STYK1: variants seen among roughly 807,000 people sequenced by gnomAD.
STYK1 encodes the protein tyrosine-protein kinase STYK1.
STYK1 carries 46 observed loss-of-function variants against 48.1 expected under a neutral mutation model. The observed-to-expected ratio is 0.96, with a 90% CI of 0.75 to 1.22. The LOEUF is 1.22. Among genes scored for constraint, STYK1 ranks in the 50% most tolerant of loss-of-function variants. STYK1 has a pLI of 0.00. For synonymous variants in STYK1, 188 were observed against 189.0 expected (o/e 0.99, Z 0.04); for missense variants, 527 against 521.1 (o/e 1.01, Z -0.11).
intron 1 of STYK1, among the ~76,000 whole-genome samples, chr12:10,651,975 GA>G (rs1565570281): frequency 6.6e-6 from 1 of 152,112 alleles, no homozygotes; most frequent in Non-Finnish European, 1.5e-5. Flanking sequence ...CTCTAACAAC[GA>G]AGACTTAAGC....
intron 1 of STYK1, among the ~76,000 whole-genome samples, chr12:10,673,091 A>G (rs1947906601): frequency 1.3e-5 from 2 of 152,208 alleles, no homozygotes; most frequent in African/African-American, 4.8e-5. Flanking sequence ...AGAAGGAAGC[A>G]ACAATCGCAT....
chr12:10,621,289 C>T (rs1865902339), intron 10 of STYK1, among the ~76,000 whole-genome samples: 2 of 152,180 alleles, frequency 1.3e-5, no homozygotes, highest in Admixed American at 6.5e-5. Context: ...GGTTCACTAA[C>T]TGTCCCAATC....
At position 10,634,534 on chromosome 12, in the gene STYK1, C is replaced by G. The variant is rs115743479; in HGVS notation, c.52+33G>C. The G allele has an allele frequency of 1.4e-3, 2,175 of 1,603,624 alleles. 29 individuals are homozygous for G. In the African/African-American group the frequency reaches 0.026, roughly 19 times the overall value. Reference sequence around the variant, plus strand: ...ACCTTAGCCTTCATAATTCTAAAATCAGAGGATAGACATCTGTGGAATCCG... The same window carrying G: ...ACCTTAGCCTTCATAATTCTAAAATGAGAGGATAGACATCTGTGGAATCCG... On this transcript the variant is annotated intron_variant, in intron 3 of 10. Coordinates refer to ENST00000075503, the MANE Select transcript of STYK1 (RefSeq NM_018423.3).
intron 9 of STYK1, among the ~76,000 whole-genome samples, 158 bp from the exon 10 acceptor site, chr12:10,622,130 T>C (rs138155394): frequency 7.9e-5 from 12 of 152,250 alleles, no homozygotes; most frequent in African/African-American, 2.9e-4. Flanking sequence ...CAAATATGGA[T>C]ATAATTTAGT....
At chr12:10,656,498 A>G (rs1054631802) in intron 1 of STYK1, among the ~76,000 whole-genome samples, 4 of 152,008 alleles carry the variant, frequency 2.6e-5, no homozygotes, top group Non-Finnish European at 5.9e-5. Flanking sequence ...GGTGGTGGGC[A>G]CCTGTAGTCC....
At chr12:10,665,721 C>T (rs1374381158) in intron 1 of STYK1, among the ~76,000 whole-genome samples, 1 of 152,290 alleles carries the variant, frequency 6.6e-6, no homozygotes, top group East Asian at 1.9e-4. Context: ...ATATTTATAT[C>T]CCAGCTGTGT....
intron 1 of STYK1, among the ~76,000 whole-genome samples, chr12:10,642,937 G>C (rs776446543): frequency 6.6e-6 from 1 of 152,108 alleles, no homozygotes; most frequent in South Asian, 2.1e-4. Flanking sequence ...TCAGCTCCTT[G>C]TACTGGTTCC....
chr12:10,632,853 T>C (rs1947444825), intron 4 of STYK1, among the ~76,000 whole-genome samples: 2 of 152,200 alleles, frequency 1.3e-5, no homozygotes. Flanking sequence ...TTGAGACTGA[T>C]ATCTTCAAGG....
At chr12:10,665,505 C>T (rs967160487) in intron 1 of STYK1, among the ~76,000 whole-genome samples, 1 of 152,194 alleles carries the variant, frequency 6.6e-6, no homozygotes, top group African/African-American at 2.4e-5. Context: ...GCTCTTCCCA[C>T]TACACTTTCC....
Position 10,624,737 on chromosome 12 carries a change from C to T in STYK1, c.840G>A (p.Gly280=). Reference sequence around the variant, plus strand: ...GTATGGTTTGAGTAGAGGAGATGGCCCCTCGGGTGTAAACTTCATAAGCCA... The same window carrying T: ...GTATGGTTTGAGTAGAGGAGATGGCTCCTCGGGTGTAAACTTCATAAGCCA... ...LGLAYEVYTR[G]AISSTQTIPL... is the part of the protein sequence containing the mutation. Residue 280 remains glycine, a synonymous_variant, in exon 8 of 11, where the codon GGG becomes GGA. Coordinates refer to ENST00000075503, the MANE Select transcript of STYK1 (RefSeq NM_018423.3). 6.2e-7 allele frequency: 1 copy of T among 1,614,018 alleles called. No individual in the cohort carries two copies. The highest frequency in any genetic ancestry group is 8.5e-7 in the Non-Finnish European group (1 of 1,180,006).
chr12:10,668,125 T>C (rs1334694943), intron 1 of STYK1, among the ~76,000 whole-genome samples: 1 of 152,156 alleles, frequency 6.6e-6, no homozygotes, highest in African/African-American at 2.4e-5. Flanking sequence ...TAAAATACTT[T>C]TTTTTTTAAC....
intron 1 of STYK1, among the ~76,000 whole-genome samples, 176 bp from the exon 2 acceptor site, chr12:10,637,372 C>T (rs1330776185): frequency 6.9e-6 from 1 of 144,246 alleles, no homozygotes; most frequent in East Asian, 2.0e-4. Flanking sequence ...GGGTCTCACT[C>T]TGTCGCCCAG....
At chr12:10,656,701 T>C (rs1231591968) in intron 1 of STYK1, among the ~76,000 whole-genome samples, 1 of 152,202 alleles carries the variant, frequency 6.6e-6, no homozygotes, top group Non-Finnish European at 1.5e-5. Context: ...TTCTTGCCAC[T>C]CTTGATACAC....
intron 9 of STYK1, 80 bp from the exon 10 acceptor site, chr12:10,622,052 G>A: frequency 7.5e-7 from 1 of 1,335,074 alleles, no homozygotes; most frequent in Non-Finnish European, 1.1e-6. Context: ...ATCCACTTGG[G>A]TTGGTTGCTT....
intron 1 of STYK1, among the ~76,000 whole-genome samples, chr12:10,649,722 T>C (rs1947639014): frequency 1.3e-5 from 2 of 151,944 alleles, no homozygotes; most frequent in African/African-American, 2.4e-5. Flanking sequence ...CAAAAGAAAA[T>C]TGGCTGATGG....
chr12:10,655,341 T>G (rs1263652751), intron 1 of STYK1, among the ~76,000 whole-genome samples: 1 of 152,338 alleles, frequency 6.6e-6, no homozygotes, highest in East Asian at 1.9e-4. Context: ...TTTTGGAGTT[T>G]ATGACAAAGT....
intron 1 of STYK1, among the ~76,000 whole-genome samples, chr12:10,663,836 G>T (rs10845195): frequency 0.55 from 81,857 of 149,798 alleles, 23,233 homozygotes; most frequent in East Asian, 0.79. Flanking sequence ...AGTCATCCCA[G>T]TTAAGAAAAC....
chr12:10,638,658 G>T (rs1947511582), intron 1 of STYK1, among the ~76,000 whole-genome samples: 1 of 152,258 alleles, frequency 6.6e-6, no homozygotes, highest in African/African-American at 2.4e-5. Flanking sequence ...TTTCTTTTCA[G>T]TTAGCACAAT....
At chr12:10,663,748 A>C (rs1947805018) in intron 1 of STYK1, among the ~76,000 whole-genome samples, 1 of 151,720 alleles carries the variant, frequency 6.6e-6, no homozygotes. Flanking sequence ...TCGGAAAAAA[A>C]AAAAGGCTGG....
Sources: allele counts gnomAD v4.1 joint callset (sites outside exome capture counted in the v4.1 genomes callset), GRCh38; gene constraint gnomAD v4.1.1; transcripts MANE v1.5; gene names NCBI Gene and HGNC (gene_info 2026-07-23, HGNC 2026-07-21).